Variants in PCLO observed in about 807,000 individuals in gnomAD.
PCLO encodes protein piccolo.
Under a neutral mutation model 427.5 loss-of-function variants are expected in PCLO, and 82 were observed. The observed-to-expected ratio is 0.19, with a 90% confidence interval of 0.16 to 0.23. PCLO has a LOEUF of 0.23. PCLO is among the 10% of genes least tolerant of loss of function. PCLO has a pLI of 1.00. For missense variants in PCLO, 6,239 were observed against 6,115.9 expected (o/e 1.02, Z -0.67); for synonymous variants, 2,357 against 2,155.4 (o/e 1.09, Z -2.59).
At chr7:82,897,160 A>C (rs1793924265) in intron 9 of PCLO, among the ~76,000 whole-genome samples, 1 of 151,672 alleles carries the variant, frequency 6.6e-6, no homozygotes, top group Non-Finnish European at 1.5e-5. Flanking sequence ...ATTATGAGAT[A>C]CATGGAGTTC....
In PCLO at chr7:83,110,305, CCTT is replaced by C. The variant is rs373110229; in HGVS notation, c.3300+23942_3300+23944del. ...CGAGAACACAGATGCTCTTTACATG[CCTT>C]TTTTTAATAAAAAGATTTGTAACAA... On this transcript the variant is annotated intron_variant, in intron 3 of 24. Coordinates refer to ENST00000333891, the MANE Select transcript of PCLO (RefSeq NM_033026.6). Among the ~76,000 whole-genome samples the C allele has an allele frequency of 9.7e-3, 1,470 of 151,874 alleles. 16 individuals are homozygous for C. The highest frequency in any genetic ancestry group is 0.017 in the Middle Eastern group (5 of 294).
chr7:82,840,434 A>T (rs2115774081), intron 14 of PCLO, among the ~76,000 whole-genome samples: 1 of 152,108 alleles, frequency 6.6e-6, no homozygotes, highest in Admixed American at 6.6e-5. Flanking sequence ...TGCCATATGA[A>T]TTTTTATTAC....
chr7:82,949,843 C>A lies in PCLO; in HGVS notation c.10745G>T (p.Ser3582Ile), dbSNP rs377700317. 1 of 1,613,702 alleles carries A rather than the reference C, an allele frequency of 6.2e-7. No homozygotes were observed. The highest frequency in any genetic ancestry group is 8.5e-7 in the Non-Finnish European group (1 of 1,179,840). The change falls in exon 6 of 25, where the codon AGT (serine) becomes ATT (isoleucine). Residue 3582 changes from serine (S) to isoleucine (I), a missense_variant. By Grantham distance (142) the Ser-to-Ile change is moderately radical (BLOSUM62 -2). Transcript: ENST00000333891. ...DSDTQSPQYL[S>I]ATSPPKDKKR... ...CTTGTCTTTGGGTGGAGATGTGGCA[C>A]TCAGATATTGAGGACTTTGTGTGTC...
At chr7:82,918,474 C>T (rs1027545848) in intron 6 of PCLO, among the ~76,000 whole-genome samples, 1 of 151,786 alleles carries the variant, frequency 6.6e-6, no homozygotes, top group Non-Finnish European at 1.5e-5. Flanking sequence ...AAAAAGTACA[C>T]ATGTAACATG....
intron 3 of PCLO, among the ~76,000 whole-genome samples, chr7:82,977,923 G>A (rs1796057155): frequency 1.3e-5 from 2 of 152,062 alleles, no homozygotes; most frequent in African/African-American, 4.8e-5. Flanking sequence ...TTTGGCCTGT[G>A]TGTTTGGATA....
In PCLO at chr7:82,897,269, C is replaced by A. The variant is rs1376805348; in HGVS notation, c.13528+5382G>T. Reference sequence around the variant, plus strand: ...ATAATTCCAAAACGTATTACCTATTCTTTCCACTCTGTTGCCTTGTGTTTT... The same window carrying A: ...ATAATTCCAAAACGTATTACCTATTATTTCCACTCTGTTGCCTTGTGTTTT... On this transcript the variant is annotated intron_variant, in intron 9 of 24. Coordinates refer to ENST00000333891, the MANE Select transcript of PCLO (RefSeq NM_033026.6). Among the ~76,000 whole-genome samples, 6 of 151,580 alleles carry A rather than the reference C, an allele frequency of 4.0e-5. No homozygotes were observed. In the South Asian group the frequency reaches 8.3e-4, roughly 21 times the overall value.
At position 82,755,075 on chromosome 7, in the gene PCLO, C is replaced by G. The variant is rs576631683; in HGVS notation, c.*3500G>C. 6.6e-6 allele frequency: 1 copy of G among 152,028 alleles called. No homozygotes were observed. The highest frequency in any genetic ancestry group is 1.5e-5 in the Non-Finnish European group (1 of 67,958). 9.4% of individuals were successfully genotyped at this position (152,028 alleles called of 1,614,324 possible). A position where few individuals can be genotyped will look rare whatever the true frequency, so the allele number is the denominator to read the frequency against. On this transcript the variant is annotated 3_prime_UTR_variant, in exon 25 of 25. Transcript: ENST00000333891. ...CAATATAATATATACTTTTATTTTA[C>G]TTCACATCACCACCACCGCTAATAT...
At chr7:82,874,570 T>A (rs558079811) in intron 10 of PCLO, among the ~76,000 whole-genome samples, 1 of 152,194 alleles carries the variant, frequency 6.6e-6, no homozygotes, top group Admixed American at 6.6e-5. Flanking sequence ...AGAATAAGCA[T>A]GTAGTAAATT....
chr7:82,805,329 T>G (rs2129468807), intron 21 of PCLO, among the ~76,000 whole-genome samples: 1 of 152,314 alleles, frequency 6.6e-6, no homozygotes, highest in South Asian at 2.1e-4. Context: ...CAAGGTAAAT[T>G]AATATATGTT....
chr7:83,094,848 A>G (rs1790492325), intron 3 of PCLO, among the ~76,000 whole-genome samples: 1 of 152,116 alleles, frequency 6.6e-6, no homozygotes, highest in African/African-American at 2.4e-5. Context: ...CTTTTCCTAC[A>G]TTGCTGAATT....
intron 3 of PCLO, among the ~76,000 whole-genome samples, chr7:82,984,170 C>G (rs190415158): frequency 4.0e-5 from 6 of 151,862 alleles, no homozygotes; most frequent in African/African-American, 7.3e-5. Context: ...CTTAACTAAT[C>G]AAGTCATTTC....
chr7:83,116,899 G>C (rs1791148755), intron 3 of PCLO, among the ~76,000 whole-genome samples: 1 of 152,162 alleles, frequency 6.6e-6, no homozygotes, highest in East Asian at 1.9e-4. Context: ...CCATGTTTAT[G>C]GTAGCATTAT....
At chr7:82,843,297 A>C (rs566236010) in intron 13 of PCLO, among the ~76,000 whole-genome samples, 1 of 152,312 alleles carries the variant, frequency 6.6e-6, no homozygotes, top group African/African-American at 2.4e-5. Flanking sequence ...GGAATAATTC[A>C]TGCACAGAGA....
chr7:82,979,556 C>T (rs566735534), intron 3 of PCLO, among the ~76,000 whole-genome samples: 4 of 152,264 alleles, frequency 2.6e-5, no homozygotes, highest in African/African-American at 7.2e-5. Flanking sequence ...GTGTATTATA[C>T]ATTCTAAACA....
At chr7:83,157,081 G>A (rs1464450213) in intron 1 of PCLO, among the ~76,000 whole-genome samples, 3 of 152,104 alleles carry the variant, frequency 2.0e-5, no homozygotes, top group Non-Finnish European at 4.4e-5. Flanking sequence ...CACTAGCCAG[G>A]AGAGACTGGG....
At chr7:82,908,766 T>G in intron 8 of PCLO, 111 bp downstream of exon 8, 1 of 953,200 alleles carries the variant, frequency 1.0e-6, no homozygotes, top group Non-Finnish European at 1.6e-6. Context: ...AAATCATTTG[T>G]GAAATTAATA....
At chr7:82,961,278 AT>A (rs904091382) in intron 4 of PCLO, among the ~76,000 whole-genome samples, 1 of 152,178 alleles carries the variant, frequency 6.6e-6, no homozygotes, top group Non-Finnish European at 1.5e-5. Flanking sequence ...TTCAGGTGGG[AT>A]TTTTTCTGAC....
intron 20 of PCLO, chr7:82,821,172 C>A: frequency 2.0e-6 from 2 of 1,000,880 alleles, no homozygotes; most frequent in Non-Finnish European, 2.4e-6. Context: ...TGGCTTTGGT[C>A]TTGGTTGCCA....
Position 83,071,353 on chromosome 7 carries a change from C to T in PCLO, c.3300+62897G>A, listed in dbSNP as rs1027490494. The stretch of plus-strand genomic sequence containing the variant: ...GACAATAGTTATATCTTCTTATATG[C>T]GGTACTATTTTCTTTCCATATAATG... On this transcript the variant is annotated intron_variant, in intron 3 of 24. Coordinates refer to ENST00000333891, the MANE Select transcript of PCLO (RefSeq NM_033026.6). Among the ~76,000 whole-genome samples, 37 of 152,180 alleles carry T rather than the reference C, an allele frequency of 2.4e-4. 1 individual carries two copies. Among genetic ancestry groups the T allele is most frequent in the South Asian group, 1.5e-3 (7 of 4,818 alleles).
Sources: gnomAD v4.1 joint callset for allele counts (sites outside exome capture counted in the v4.1 genomes callset) on GRCh38, gnomAD v4.1.1 for gene constraint, MANE v1.5 for transcripts, NCBI Gene and HGNC (gene_info 2026-07-23, HGNC 2026-07-21) for gene names.